Variants in TMEM182 observed in about 807,000 individuals in gnomAD.
TMEM182 encodes transmembrane protein 182.
In TMEM182, 20 loss-of-function variants were observed where a neutral mutation model predicts 26.8. The observed-to-expected ratio is 0.75, with a 90% CI of 0.53 to 1.09. The LOEUF is 1.09. Among genes scored for constraint, TMEM182 ranks in the 50% least tolerant of loss-of-function variants. TMEM182 has a pLI of 0.00. For missense variants in TMEM182, 277 were observed against 275.5 expected (o/e 1.01, Z -0.04); for synonymous variants, 109 against 102.2 (o/e 1.07, Z -0.40).
chr2:102,831,620 G>C (rs577760699), intron 3 of TMEM182, among the ~76,000 whole-genome samples: 1 of 152,120 alleles, frequency 6.6e-6, no homozygotes, highest in African/African-American at 2.4e-5. Flanking sequence ...AGCTCAGTGC[G>C]GTGGTACATG....
intron 3 of TMEM182, among the ~76,000 whole-genome samples, chr2:102,780,212 C>A (rs1681110559): frequency 6.6e-6 from 1 of 152,068 alleles, no homozygotes; most frequent in African/African-American, 2.4e-5. Context: ...GAAGCCTGAA[C>A]TTTCTGAATA....
chr2:102,779,971 G>A (rs2540286), intron 3 of TMEM182, among the ~76,000 whole-genome samples: 1 of 151,814 alleles, frequency 6.6e-6, no homozygotes, highest in Non-Finnish European at 1.5e-5. Flanking sequence ...TCATTGCACT[G>A]CAGCCTGGGC....
chr2:102,748,002 A>G (rs1679764160), intron 1 of TMEM182, among the ~76,000 whole-genome samples: 1 of 151,660 alleles, frequency 6.6e-6, no homozygotes, highest in African/African-American at 2.4e-5. Flanking sequence ...AGGTCAGGCA[A>G]CTCCCCCAGG....
chr2:102,830,177 A>G (rs758751671), intron 3 of TMEM182, among the ~76,000 whole-genome samples: 20 of 152,300 alleles, frequency 1.3e-4, no homozygotes, highest in Middle Eastern at 3.4e-3. Context: ...TGCTGTTTTC[A>G]TGTGTCTAAA....
At chr2:102,822,176 C>T (rs187928456), downstream of TMEM182, among the ~76,000 whole-genome samples, 1 of 151,998 alleles carries the variant, frequency 6.6e-6, no homozygotes. Context: ...TTCAGAGGAG[C>T]AATGTGGGCC....
At chr2:102,753,513 CGTT>C (rs1177214748) in intron 1 of TMEM182, among the ~76,000 whole-genome samples, 3 of 150,004 alleles carry the variant, frequency 2.0e-5, no homozygotes, top group Non-Finnish European at 2.9e-5. Flanking sequence ...ACTAATAAGT[CGTT>C]GTTCTACTAT....
intron 3 of TMEM182, among the ~76,000 whole-genome samples, chr2:102,784,222 G>A (rs2732863): frequency 0.3 from 46,324 of 151,998 alleles, 7,256 homozygotes; most frequent in South Asian, 0.42. Flanking sequence ...TTTCCCCACT[G>A]GGTAGACTAG....
intron 3 of TMEM182, among the ~76,000 whole-genome samples, chr2:102,788,713 G>A (rs975074387): frequency 6.6e-6 from 1 of 152,080 alleles, no homozygotes; most frequent in African/African-American, 2.4e-5. Context: ...AGGACTCAAG[G>A]TCACTGCCAG....
chr2:102,787,396 T>G (rs1048735295), intron 3 of TMEM182, among the ~76,000 whole-genome samples: 1 of 152,192 alleles, frequency 6.6e-6, no homozygotes, highest in Non-Finnish European at 1.5e-5. Flanking sequence ...CTCCTCCTCT[T>G]CTCATAAAGT....
At chr2:102,788,023 C>T (rs186247154) in intron 3 of TMEM182, among the ~76,000 whole-genome samples, 1 of 152,208 alleles carries the variant, frequency 6.6e-6, no homozygotes, top group Admixed American at 6.5e-5. Flanking sequence ...TCACAGTGTC[C>T]CAGTGGGCTT....
At chr2:102,800,925 G>C (rs1682100961) in intron 4 of TMEM182, among the ~76,000 whole-genome samples, 1 of 151,882 alleles carries the variant, frequency 6.6e-6, no homozygotes, top group African/African-American at 2.4e-5. Context: ...AGTTATGTTT[G>C]GCTGAGAACT....
rs1682778292 is a variant in TMEM182, at chr2:102,816,996, T to C, written c.*2028T>C. On this transcript the variant is annotated 3_prime_UTR_variant, in exon 5 of 5. Coordinates refer to ENST00000412401, the MANE Select transcript of TMEM182 (RefSeq NM_144632.5). ...CAATTGGCTGAATAGCTGATGTGTATGACACTTTTACACAGATTTGCACTT... is the reference window on the plus strand; with the variant it reads ...CAATTGGCTGAATAGCTGATGTGTACGACACTTTTACACAGATTTGCACTT... 1.4e-5 allele frequency: 14 copies of C among 985,706 alleles called. No individual in the cohort carries two copies. The highest frequency in any genetic ancestry group is 1.7e-5 in the Non-Finnish European group (14 of 829,776). 61.1% of individuals were successfully genotyped at this position (985,706 alleles called of 1,614,324 possible).
At chr2:102,818,669 T>A (rs948216343), downstream of TMEM182, among the ~76,000 whole-genome samples, 1 of 152,160 alleles carries the variant, frequency 6.6e-6, no homozygotes, top group Admixed American at 6.5e-5. Flanking sequence ...AAGGGGCAAT[T>A]GGACGGTTGA....
At chr2:102,763,143 T>C (rs1680285968) in intron 2 of TMEM182, among the ~76,000 whole-genome samples, 1 of 152,106 alleles carries the variant, frequency 6.6e-6, no homozygotes, top group African/African-American at 2.4e-5. Flanking sequence ...TTTAAAAAAA[T>C]CATGGAACTT....
At chr2:102,738,975 G>C (rs544411739) in intron 1 of TMEM182, among the ~76,000 whole-genome samples, 1 of 152,154 alleles carries the variant, frequency 6.6e-6, no homozygotes, top group Non-Finnish European at 1.5e-5. Context: ...TATATTCCAC[G>C]AAGAGGCCAA....
At chr2:102,787,408 A>G (rs1201573303) in intron 3 of TMEM182, among the ~76,000 whole-genome samples, 1 of 152,196 alleles carries the variant, frequency 6.6e-6, no homozygotes, top group Non-Finnish European at 1.5e-5. Flanking sequence ...TCATAAAGTC[A>G]CTAATCCCAT....
At position 102,788,269 on chromosome 2, in the gene TMEM182, C is replaced by T. The variant is rs181494292; in HGVS notation, c.332-9594C>T. On this transcript the variant is annotated intron_variant, in intron 3 of 4. Transcript: ENST00000412401. ...TCATTCAGCTGGTCTGGTTTGGAATCCTAGCATGGGTGTTATGTTTTGGCT... is the reference window on the plus strand; with the variant it reads ...TCATTCAGCTGGTCTGGTTTGGAATTCTAGCATGGGTGTTATGTTTTGGCT... 4.5e-4 allele frequency among the ~76,000 whole-genome samples: 69 copies of T among 152,262 alleles called. 1 individual carries two copies. Among genetic ancestry groups the T allele is most frequent in the South Asian group, 1.2e-3 (6 of 4,824 alleles).
At chr2:102,772,883 G>A (rs1680739194) in intron 3 of TMEM182, among the ~76,000 whole-genome samples, 1 of 152,022 alleles carries the variant, frequency 6.6e-6, no homozygotes, top group Non-Finnish European at 1.5e-5. Context: ...GACATCATTA[G>A]GGCACATAAA....
At chr2:102,755,644 A>G (rs950162958) in intron 1 of TMEM182, among the ~76,000 whole-genome samples, 4 of 152,206 alleles carry the variant, frequency 2.6e-5, no homozygotes, top group Non-Finnish European at 5.9e-5. Context: ...ATGAAAAATA[A>G]CAGTAGTGCT....
Sources: allele counts gnomAD v4.1 joint callset (sites outside exome capture counted in the v4.1 genomes callset), GRCh38; gene constraint gnomAD v4.1.1; transcripts MANE v1.5; gene names NCBI Gene and HGNC (gene_info 2026-07-23, HGNC 2026-07-21).